Variants in CCDC172 observed in about 807,000 individuals in gnomAD.
CCDC172 encodes the protein coiled-coil domain-containing protein 172.
In CCDC172, 30 loss-of-function variants were observed where a neutral mutation model predicts 38.0. That is an observed-to-expected ratio of 0.79 (90% CI 0.59 to 1.07). The LOEUF (loss-of-function observed/expected upper bound fraction) is 1.07, where lower values mean the gene tolerates loss of function less well. Ranked by LOEUF, CCDC172 falls within the 50% of genes least tolerant of loss-of-function variation. The pLI, the probability that CCDC172 is intolerant of heterozygous loss-of-function variation, is 0.00. For missense variants in CCDC172, 297 were observed against 290.1 expected (o/e 1.02, Z -0.17); for synonymous variants, 78 against 88.3 (o/e 0.88, Z 0.66).
chr10:116,377,108 C>T (rs11197645), intron 7 of CCDC172, among the ~76,000 whole-genome samples: 11,456 of 152,144 alleles, frequency 0.075, 645 homozygotes, highest in East Asian at 0.23. Flanking sequence ...GGGTGCAGCA[C>T]ACCAACATGG....
chr10:116,347,849 C>G (rs1002877559), intron 5 of CCDC172, among the ~76,000 whole-genome samples: 1 of 152,116 alleles, frequency 6.6e-6, no homozygotes, highest in Non-Finnish European at 1.5e-5. Context: ...ATTCTTCCCT[C>G]CCTCCCACTA....
At chr10:116,357,349 T>C (rs530526423) in intron 5 of CCDC172, 31 bp from the exon 6 acceptor site, 2 of 1,399,568 alleles carry the variant, frequency 1.4e-6, no homozygotes, top group East Asian at 5.2e-5. Context: ...TCTAAGTATT[T>C]TATTTTTGAT....
At chr10:116,347,641 CTA>C (rs1276131735) in intron 5 of CCDC172, among the ~76,000 whole-genome samples, 1 of 151,998 alleles carries the variant, frequency 6.6e-6, no homozygotes, top group Non-Finnish European at 1.5e-5. Context: ...CAATGAAACT[CTA>C]GAAGTATTTC....
At chr10:116,377,022 A>G (rs941054179) in intron 7 of CCDC172, among the ~76,000 whole-genome samples, 5 of 152,118 alleles carry the variant, frequency 3.3e-5, no homozygotes, top group Admixed American at 2.0e-4. Flanking sequence ...AAAATACAAA[A>G]AAATTCAGTA....
At chr10:116,350,371 A>G (rs139346090) in intron 5 of CCDC172, among the ~76,000 whole-genome samples, 1 of 152,294 alleles carries the variant, frequency 6.6e-6, no homozygotes, top group Non-Finnish European at 1.5e-5. Flanking sequence ...TTCAGGTTCT[A>G]AATATGTTTT....
intron 7 of CCDC172, among the ~76,000 whole-genome samples, chr10:116,377,454 G>A (rs551614242): frequency 6.6e-6 from 1 of 152,082 alleles, no homozygotes. Flanking sequence ...TCATTAAGAG[G>A]GTAATAAACC....
At chr10:116,330,550 T>A (rs183668720) in intron 3 of CCDC172, among the ~76,000 whole-genome samples, 1 of 152,228 alleles carries the variant, frequency 6.6e-6, no homozygotes. Context: ...GATTCCACAT[T>A]GCAACTAACC....
chr10:116,367,459 G>A lies in CCDC172; in HGVS notation c.653+9521G>A, dbSNP rs182084762. 2.4e-3 allele frequency among the ~76,000 whole-genome samples: 367 copies of A among 152,240 alleles called. 2 individuals carry two copies. The highest frequency in any genetic ancestry group is 8.1e-3 in the African/African-American group (337 of 41,546). On this transcript the variant is annotated intron_variant, in intron 7 of 8. Coordinates refer to ENST00000333254, the MANE Select transcript of CCDC172 (RefSeq NM_198515.3). The stretch of plus-strand genomic sequence containing the variant: ...AATCCCAGCAGTTTGGGAGGCTGAC[G>A]CGGGCGGATCACAAGGTCAGGGGAT...
At chr10:116,355,432 TTGA>T (rs1372170625) in intron 5 of CCDC172, among the ~76,000 whole-genome samples, 4 of 152,168 alleles carry the variant, frequency 2.6e-5, no homozygotes, top group South Asian at 4.1e-4. Flanking sequence ...GTGAGTACAC[TTGA>T]TGATGTTCTC....
intron 7 of CCDC172, among the ~76,000 whole-genome samples, chr10:116,376,370 A>C (rs546305882): frequency 6.6e-6 from 1 of 152,070 alleles, no homozygotes; most frequent in South Asian, 2.1e-4. Flanking sequence ...GTTGTTCCTC[A>C]TATCTCCCCT....
At chr10:116,328,257 T>C (rs1844614848) in intron 3 of CCDC172, among the ~76,000 whole-genome samples, 1 of 152,108 alleles carries the variant, frequency 6.6e-6, no homozygotes, top group East Asian at 1.9e-4. Flanking sequence ...ATGAGTACTT[T>C]ATGAATTGGA....
chr10:116,377,080 G>A (rs11197644), intron 7 of CCDC172, among the ~76,000 whole-genome samples: 11,455 of 152,166 alleles, frequency 0.075, 647 homozygotes, highest in East Asian at 0.23. Context: ...TATACCTAAT[G>A]TTAAAAGATG....
chr10:116,335,994 C>T (rs1844727188), intron 3 of CCDC172, among the ~76,000 whole-genome samples: 1 of 151,928 alleles, frequency 6.6e-6, no homozygotes, highest in African/African-American at 2.4e-5. Context: ...TGGCGAAACC[C>T]TGTCTCTACT....
chr10:116,358,503 G>A (rs1845027994), intron 7 of CCDC172, among the ~76,000 whole-genome samples: 1 of 152,042 alleles, frequency 6.6e-6, no homozygotes. Context: ...ACAATTTAGT[G>A]TTACCTTTGC....
chr10:116,334,687 A>T (rs1164880008), intron 3 of CCDC172, among the ~76,000 whole-genome samples: 2 of 152,014 alleles, frequency 1.3e-5, no homozygotes, highest in African/African-American at 4.8e-5. Flanking sequence ...TGATAACTGT[A>T]TACATACATC....
chr10:116,343,514 CGT>C (rs748771370), intron 5 of CCDC172, among the ~76,000 whole-genome samples: 13,269 of 74,182 alleles, frequency 0.18, 808 homozygotes, highest in East Asian at 0.33. Context: ...TCTGATCATT[CGT>C]TTTTTTTTTT....
intron 5 of CCDC172, among the ~76,000 whole-genome samples, chr10:116,346,412 A>G (rs533542727): frequency 1.3e-5 from 2 of 152,272 alleles, no homozygotes; most frequent in Non-Finnish European, 2.9e-5. Flanking sequence ...CTATTTCAAA[A>G]TAATATGATG....
chr10:116,340,392 C>T (rs1269636283), intron 3 of CCDC172, among the ~76,000 whole-genome samples: 2 of 151,640 alleles, frequency 1.3e-5, no homozygotes, highest in Non-Finnish European at 3.0e-5. Flanking sequence ...TATCTAAAAA[C>T]AAACAGTCTT....
At chr10:116,326,089 G>T (rs1236946601) in intron 3 of CCDC172, among the ~76,000 whole-genome samples, 4 of 152,300 alleles carry the variant, frequency 2.6e-5, no homozygotes, top group Admixed American at 1.3e-4. Flanking sequence ...ACCGTTGCAA[G>T]TTCCTGATCA....
Sources: gnomAD v4.1 joint callset for allele counts (sites outside exome capture counted in the v4.1 genomes callset) on GRCh38, gnomAD v4.1.1 for gene constraint, MANE v1.5 for transcripts, NCBI Gene and HGNC (gene_info 2026-07-23, HGNC 2026-07-21) for gene names.